The following TSGA10IP variants were observed in gnomAD, a reference collection of about 807,000 sequenced individuals.
TSGA10IP encodes testis-specific protein 10-interacting protein.
A neutral mutation model predicts 63.2 loss-of-function variants in TSGA10IP; 64 were observed. The ratio of observed to expected loss-of-function variants is 1.01; its 90% confidence interval spans 0.83 to 1.25. The LOEUF is 1.25. Among genes scored for constraint, TSGA10IP ranks in the 50% most tolerant of loss-of-function variants. The pLI, the probability that TSGA10IP is intolerant of heterozygous loss-of-function variation, is 0.00. For missense variants in TSGA10IP, 681 were observed against 710.1 expected (o/e 0.96, Z 0.47); for synonymous variants, 316 against 298.3 (o/e 1.06, Z -0.61).
At chr11:65,959,466 A>G (rs1296623238) in intron 7 of TSGA10IP, among the ~76,000 whole-genome samples, 152 bp downstream of exon 7, 1 of 152,164 alleles carries the variant, frequency 6.6e-6, no homozygotes, top group African/African-American at 2.4e-5. Flanking sequence ...CTACTTCTCA[A>G]TGAGGAAACT....
intron 4 of TSGA10IP, among the ~76,000 whole-genome samples, chr11:65,951,853 C>CTT (rs879819961): frequency 0.013 from 1,736 of 138,858 alleles, 48 homozygotes; most frequent in African/African-American, 0.043. Flanking sequence ...GACTCTTTGC[C>CTT]TTTTTTTTTT....
chr11:65,953,342 G>A (rs1378883449), intron 4 of TSGA10IP, among the ~76,000 whole-genome samples: 1 of 152,146 alleles, frequency 6.6e-6, no homozygotes, highest in Non-Finnish European at 1.5e-5. Context: ...GGAAGCAGGA[G>A]ACTTCTAGAA....
At chr11:65,959,775 G>A in intron 7 of TSGA10IP, 42 bp from the exon 8 acceptor site, 1 of 1,525,194 alleles carries the variant, frequency 6.6e-7, no homozygotes, top group Non-Finnish European at 8.8e-7. Context: ...GGGCATGGGG[G>A]TGGGAGCTGC....
At chr11:65,946,239 T>A (rs1259843127) in intron 1 of TSGA10IP, among the ~76,000 whole-genome samples, 2 of 152,058 alleles carry the variant, frequency 1.3e-5, no homozygotes, top group Non-Finnish European at 2.9e-5. Context: ...TGACCTCAGT[T>A]ACTCAGCCTC....
At chr11:65,946,945 G>A (rs765780732) in exon 2 of TSGA10IP, 1 of 1,613,972 alleles carries the variant, frequency 6.2e-7, no homozygotes, top group Admixed American at 1.7e-5. Flanking sequence ...AGAGCTCAAG[G>A]CAGACAGCAA....
exon 3 of TSGA10IP, chr11:65,947,337 C>T (rs533013932): frequency 3.4e-5 from 55 of 1,611,884 alleles, no homozygotes; most frequent in Admixed American, 2.2e-4. Flanking sequence ...AACCTGAAGG[C>T]GAGACAGCAG....
At chr11:65,949,835 A>G (rs1854912374) in intron 4 of TSGA10IP, among the ~76,000 whole-genome samples, 2 of 147,396 alleles carry the variant, frequency 1.4e-5, no homozygotes, top group South Asian at 4.3e-4. Flanking sequence ...ACTAATTAAC[A>G]TATGCATTAC....
At chr11:65,955,022 A>G (rs183868526) in intron 5 of TSGA10IP, among the ~76,000 whole-genome samples, 1 of 152,330 alleles carries the variant, frequency 6.6e-6, no homozygotes, top group East Asian at 1.9e-4. Context: ...ACATTAGCAT[A>G]TACAATCTCT....
At chr11:65,958,834 C>G (rs779093224) in intron 5 of TSGA10IP, 49 bp from the exon 6 acceptor site, 4 of 1,517,810 alleles carry the variant, frequency 2.6e-6, no homozygotes, top group Non-Finnish European at 3.6e-6. Flanking sequence ...GAATGGAGAT[C>G]AACAGTTGTG....
intron 3 of TSGA10IP, 32 bp downstream of exon 3, chr11:65,947,860 C>G: frequency 6.6e-7 from 1 of 1,521,796 alleles, no homozygotes; most frequent in Non-Finnish European, 8.8e-7. Context: ...TGGATTCCCC[C>G]GAAGCTACAC....
chr11:65,959,672 A>G lies in TSGA10IP; in HGVS notation c.1548-145A>G, dbSNP rs1228056114. ...TTATGAAGCCCACTTGACAATAAGG[A>G]AAGTGAGACTCGAGAAGAGTCACTT... On this transcript the variant is annotated intron_variant, in intron 7 of 7. Coordinates refer to ENST00000532620, the Ensembl canonical transcript of TSGA10IP. 4.9e-6 allele frequency: 6 copies of G among 1,230,222 alleles called. No individual in the cohort carries two copies. The Admixed American group carries it at 1.7e-4, about 35-fold the overall frequency. The allele number at this position is 1,230,222 out of a possible 1,614,324, so 76.2% of individuals were successfully genotyped here. A position where few individuals can be genotyped will look rare whatever the true frequency, so the allele number is the denominator to read the frequency against.
chr11:65,948,030 A>C (rs1021755089), exon 4 of TSGA10IP: 2 of 1,565,950 alleles, frequency 1.3e-6, no homozygotes, highest in Admixed American at 1.9e-5. Context: ...GAAGACTTTG[A>C]GGGCTGCCTT....
exon 8 of TSGA10IP, chr11:65,959,841 A>G: frequency 6.3e-7 from 1 of 1,577,578 alleles, no homozygotes; most frequent in Non-Finnish European, 8.6e-7. Context: ...TGGGGGTGAG[A>G]ATGGAGCACT....
chr11:65,947,038 C>T (rs1854847954), intron 2 of TSGA10IP, 22 bp downstream of exon 2: 11 of 1,613,356 alleles, frequency 6.8e-6, no homozygotes, highest in Non-Finnish European at 9.3e-6. Context: ...TGGGATGGGT[C>T]AGGAGGCTGT....
At chr11:65,948,210 C>G (rs1854879845) in intron 4 of TSGA10IP, 62 bp downstream of exon 4, 2 of 1,515,552 alleles carry the variant, frequency 1.3e-6, no homozygotes, top group Admixed American at 4.6e-5. Context: ...GCCACTTCTC[C>G]AAGAGATGCT....
At chr11:65,946,999 C>CTCTGAAGAG (rs1255000281) in exon 2 of TSGA10IP, 5 of 1,613,984 alleles carry the variant, frequency 3.1e-6, no homozygotes, top group Non-Finnish European at 4.2e-6. Context: ...AAGGACAGGG[C>CTCTGAAGAG]TCTGAAGAGT....
chr11:65,958,953 C>G lies in TSGA10IP; in HGVS notation c.1393C>G (p.Arg465Gly), dbSNP rs761411905. 1.1e-5 allele frequency: 17 copies of G among 1,613,206 alleles called. 1 individual carries two copies. The South Asian group carries it at 1.8e-4, about 17-fold the overall frequency. Residue 465 changes from arginine (R) to glycine (G), a missense_variant, in exon 6 of 8, where the codon CGG becomes GGG. Transcript: ENST00000532620. ...AGGCATCCAGCACAGGGTGCAGGCCCGGCCCTTCCTGTTCCAGCAGGCTAT... is the reference window on the plus strand; with the variant it reads ...AGGCATCCAGCACAGGGTGCAGGCCGGGCCCTTCCTGTTCCAGCAGGCTAT...
At position 65,945,724 on chromosome 11, in the gene TSGA10IP, A is replaced by AC. The variant is rs1276991862; in HGVS notation, c.53dup (p.Ser19ValfsTer38). 4 of 1,613,806 alleles carry AC rather than the reference A, an allele frequency of 2.5e-6. No homozygotes were observed. The highest frequency in any genetic ancestry group is 3.4e-6 in the Non-Finnish European group (4 of 1,179,886). On this transcript the variant is annotated frameshift_variant, in exon 1 of 8. Coordinates refer to ENST00000532620, the Ensembl canonical transcript of TSGA10IP. LOFTEE classifies it high-confidence loss of function. ...AAATACCTACCAACAGTTGGTTAGG[A>AC]CCCCGTCGGTGCGACCAGGGCAGGA...
chr11:65,945,746 A>C, exon 1 of TSGA10IP: 1 of 1,612,636 alleles, frequency 6.2e-7, no homozygotes, highest in Non-Finnish European at 8.5e-7. Context: ...CGACCAGGGC[A>C]GGACGTGCGG....
Sources: gnomAD v4.1 joint callset for allele counts (sites outside exome capture counted in the v4.1 genomes callset) on GRCh38, gnomAD v4.1.1 for gene constraint, MANE v1.5 for transcripts, NCBI Gene and HGNC (gene_info 2026-07-23, HGNC 2026-07-21) for gene names.